The following CD247 variants were observed in gnomAD, a reference collection of about 807,000 sequenced individuals.
CD247 encodes T-cell surface glycoprotein CD3 zeta chain.
Under a neutral mutation model 30.0 loss-of-function variants are expected in CD247, and 13 were observed. The ratio of observed to expected loss-of-function variants is 0.43; its 90% CI spans 0.28 to 0.69. The LOEUF (loss-of-function observed/expected upper bound fraction) is 0.69. CD247 is among the 30% of genes least tolerant of loss of function. The pLI is 0.16. For missense variants in CD247, 193 were observed against 212.6 expected (o/e 0.91, Z 0.57); for synonymous variants, 72 against 80.0 (o/e 0.90, Z 0.53).
intron 1 of CD247, among the ~76,000 whole-genome samples, chr1:167,510,165 AAC>A (rs1266255793): frequency 6.6e-6 from 1 of 152,068 alleles, no homozygotes; most frequent in Non-Finnish European, 1.5e-5. Flanking sequence ...ACTCCTCCTA[AAC>A]ACACACACCA....
At chr1:167,471,109 G>A (rs1036200802) in intron 1 of CD247, among the ~76,000 whole-genome samples, 4 of 152,004 alleles carry the variant, frequency 2.6e-5, no homozygotes, top group African/African-American at 9.7e-5. Context: ...CTAACCTCGT[G>A]ATCTGCCTGC....
rs1343572484 is a variant in CD247, at chr1:167,439,278, C to A, written c.219+66G>T. On this transcript the variant is annotated intron_variant, in intron 3 of 7. Transcript: ENST00000362089. ...CCTAAACCCAAGACTCTGGCGGGCG[C>A]GTTCCCTAGGTCCGAGGAGGAGGCT... 2.1e-6 allele frequency: 3 copies of A among 1,442,156 alleles called. No homozygotes were observed. In the African/African-American group the frequency reaches 4.2e-5, roughly 20 times the overall value. 89.3% of individuals were successfully genotyped at this position (1,442,156 alleles called of 1,614,324 possible). A position where few individuals can be genotyped will look rare whatever the true frequency, so the allele number is the denominator to read the frequency against.
intron 1 of CD247, among the ~76,000 whole-genome samples, chr1:167,464,988 TTTC>T (rs1186296993): frequency 6.6e-6 from 1 of 152,228 alleles, no homozygotes; most frequent in Non-Finnish European, 1.5e-5. Context: ...ATTCCAGCTC[TTTC>T]TTCCCCTCTG....
At chr1:167,490,349 G>A (rs1007638077) in intron 1 of CD247, among the ~76,000 whole-genome samples, 2 of 152,172 alleles carry the variant, frequency 1.3e-5, no homozygotes, top group Non-Finnish European at 2.9e-5. Flanking sequence ...TTGAGGCCGG[G>A]CGCGGTGGCT....
intron 1 of CD247, among the ~76,000 whole-genome samples, chr1:167,472,710 G>C (rs761400336): frequency 6.6e-6 from 1 of 152,118 alleles, no homozygotes; most frequent in African/African-American, 2.4e-5. Context: ...TAAAATCAAA[G>C]TGGGCAAAGG....
chr1:167,433,213 C>T (rs1651361915), intron 6 of CD247, among the ~76,000 whole-genome samples, 154 bp from the exon 7 acceptor site: 1 of 152,200 alleles, frequency 6.6e-6, no homozygotes, highest in African/African-American at 2.4e-5. Context: ...GATCCTCAGG[C>T]CCCTGGTCAG....
intron 1 of CD247, among the ~76,000 whole-genome samples, chr1:167,483,873 C>T (rs1462809001): frequency 6.6e-6 from 1 of 152,248 alleles, no homozygotes; most frequent in Admixed American, 6.5e-5. Context: ...CACTCCCTCC[C>T]CAGCACACAT....
intron 1 of CD247, among the ~76,000 whole-genome samples, chr1:167,503,968 T>C (rs935939190): frequency 6.6e-6 from 1 of 152,170 alleles, no homozygotes; most frequent in Non-Finnish European, 1.5e-5. Flanking sequence ...AGATCTTCCC[T>C]TTGCTAATTC....
intron 1 of CD247, among the ~76,000 whole-genome samples, chr1:167,453,536 A>G (rs1652471769): frequency 6.6e-6 from 1 of 152,234 alleles, no homozygotes; most frequent in Non-Finnish European, 1.5e-5. Flanking sequence ...AAACTCTCAC[A>G]GTATACAGAG....
Position 167,494,413 on chromosome 1 carries a change from C to G in CD247, c.58+23995G>C, listed in dbSNP as rs148563414. Among the ~76,000 whole-genome samples the G allele has an allele frequency of 6.6e-6, 1 of 152,142 alleles. No individual in the cohort carries two copies. The highest frequency in any genetic ancestry group is 2.4e-5 in the African/African-American group (1 of 41,436). ...TTGGATTTGGGGTCAATAAACATAG[C>G]GGCTCCACTACACTAGTGTGAGGAG... On this transcript the variant is annotated intron_variant, in intron 1 of 7. Coordinates refer to ENST00000362089, the MANE Select transcript of CD247 (RefSeq NM_198053.3). This position sits in a 1 kb window ranked among gnomAD's most constrained non-coding sequence, Gnocchi z 7.3.
chr1:167,507,653 TAG>T (rs532408051), intron 1 of CD247, among the ~76,000 whole-genome samples: 13 of 152,122 alleles, frequency 8.5e-5, no homozygotes, highest in Middle Eastern at 3.4e-3. Context: ...CAGGGCAACG[TAG>T]TGAGAACCTG....
At chr1:167,438,090 C>T (rs1403530200) in intron 4 of CD247, among the ~76,000 whole-genome samples, 2 of 152,070 alleles carry the variant, frequency 1.3e-5, no homozygotes, top group South Asian at 2.1e-4. Flanking sequence ...AGGACCCTAC[C>T]CTACTGTGGT....
rs1651227449 is a variant in CD247, at chr1:167,430,842, TG to T, written c.*838del. On this transcript the variant is annotated 3_prime_UTR_variant, in exon 8 of 8. Transcript: ENST00000362089. ...CTGGGCAGTTATAGGTCCCATGTGT[TG>T]GGTCTTCCTGCGAGGCCTTCACAAA... 1 of 398,708 alleles carries T rather than the reference TG, an allele frequency of 2.5e-6. No homozygotes were observed. The highest frequency in any genetic ancestry group is 3.6e-5 in the East Asian group (1 of 28,092). The allele number at this position is 398,708 out of a possible 1,614,324, so 24.7% of individuals were successfully genotyped here.
In CD247 at chr1:167,506,271, C is replaced by CCTTTT. The variant is rs1259446311; in HGVS notation, c.58+12132_58+12136dup. On this transcript the variant is annotated intron_variant, in intron 1 of 7. Transcript: ENST00000362089. ...CTTTTCTTTTCTTTTCTTTTCTTTT[C>CCTTTT]CTTTTCTTTTCTTTTCTTTTTTCTT... Among the ~76,000 whole-genome samples, 38 of 11,558 alleles carry CCTTTT rather than the reference C, an allele frequency of 3.3e-3. 2 individuals are homozygous for CCTTTT. Among genetic ancestry groups the CCTTTT allele is most frequent in the Admixed American group, 8.6e-3 (9 of 1,050 alleles). The allele number at this position is 11,558 out of a possible 152,430, so 7.6% of individuals were successfully genotyped here.
chr1:167,455,006 G>A (rs1476737495), intron 1 of CD247, among the ~76,000 whole-genome samples: 1 of 152,224 alleles, frequency 6.6e-6, no homozygotes, highest in Non-Finnish European at 1.5e-5. Flanking sequence ...AGCTCCTCCC[G>A]GAGCTCCCCG....
At chr1:167,500,891 C>G (rs557702155) in intron 1 of CD247, among the ~76,000 whole-genome samples, 4 of 152,244 alleles carry the variant, frequency 2.6e-5, no homozygotes, top group African/African-American at 9.6e-5. Flanking sequence ...ACTTCCCATC[C>G]CAGCTGTGTG....
chr1:167,505,202 C>T (rs1655065731), intron 1 of CD247, among the ~76,000 whole-genome samples: 1 of 152,102 alleles, frequency 6.6e-6, no homozygotes, highest in East Asian at 1.9e-4. Flanking sequence ...ACGATCATAG[C>T]TCACTGCAGC....
chr1:167,474,047 G>A (rs139538032), intron 1 of CD247, among the ~76,000 whole-genome samples: 151 of 152,060 alleles, frequency 9.9e-4, no homozygotes, highest in Admixed American at 1.8e-3. Flanking sequence ...CACCACCCCC[G>A]GAAGACTAGA....
At chr1:167,518,235 G>T (rs1655700654) in intron 1 of CD247, among the ~76,000 whole-genome samples, 173 bp downstream of exon 1, 1 of 152,116 alleles carries the variant, frequency 6.6e-6, no homozygotes, top group Non-Finnish European at 1.5e-5. Flanking sequence ...CTGTGACGGA[G>T]CAGATGCCAG....
Sources: gnomAD v4.1 joint callset for allele counts (sites outside exome capture counted in the v4.1 genomes callset) on GRCh38, gnomAD v4.1.1 for gene constraint, Gnocchi (gnomAD v3.1) non-coding constraint, MANE v1.5 for transcripts, NCBI Gene and HGNC (gene_info 2026-07-23, HGNC 2026-07-21) for gene names.